Variants in CEP112 observed in about 807,000 individuals in gnomAD.
CEP112 encodes the protein centrosomal protein of 112 kDa.
CEP112 carries 127 observed loss-of-function variants against 153.0 expected under a neutral mutation model. The ratio of observed to expected loss-of-function variants is 0.83; its 90% CI spans 0.72 to 0.96. The LOEUF is 0.96. Ranked by LOEUF, CEP112 falls within the 40% of genes least tolerant of loss-of-function variation. The pLI is 0.00. For missense variants in CEP112, 1,089 were observed against 1,101.2 expected (o/e 0.99, Z 0.16); for synonymous variants, 358 against 374.4 (o/e 0.96, Z 0.51).
At chr17:65,637,517 C>T (rs1275530999) in intron 25 of CEP112, among the ~76,000 whole-genome samples, 1 of 152,192 alleles carries the variant, frequency 6.6e-6, no homozygotes, top group Non-Finnish European at 1.5e-5. Context: ...GCTCTTTGGC[C>T]CAGGCCATTT....
intron 19 of CEP112, among the ~76,000 whole-genome samples, chr17:65,924,009 C>T (rs1236422868): frequency 6.6e-6 from 1 of 152,108 alleles, no homozygotes; most frequent in Non-Finnish European, 1.5e-5. Flanking sequence ...CAGAGTCTCG[C>T]TCTGTCACCC....
chr17:66,141,765 T>C (rs2070710530), intron 4 of CEP112, among the ~76,000 whole-genome samples: 1 of 152,218 alleles, frequency 6.6e-6, no homozygotes, highest in Non-Finnish European at 1.5e-5. Context: ...TACCATATTT[T>C]GTTAATCCAT....
intron 17 of CEP112, among the ~76,000 whole-genome samples, chr17:65,991,815 T>C (rs878959710): frequency 6.6e-6 from 1 of 152,050 alleles, no homozygotes; most frequent in Middle Eastern, 3.2e-3. Context: ...ACAAACAAAA[T>C]GATCAAGTCA....
At position 66,055,639 on chromosome 17, in the gene CEP112, C is replaced by A. The variant is rs968315630; in HGVS notation, c.1075-1760G>T. On this transcript the variant is annotated intron_variant, in intron 11 of 26. Transcript: ENST00000535342. ...CCTAGAACATATGCCTGCCGAATGTCAAAAATCTAATAGCCCATCAAAACT... is the reference window on the plus strand; with the variant it reads ...CCTAGAACATATGCCTGCCGAATGTAAAAAATCTAATAGCCCATCAAAACT... 3.3e-5 allele frequency among the ~76,000 whole-genome samples: 5 copies of A among 152,102 alleles called. No homozygotes were observed. The East Asian group carries it at 9.6e-4, about 29-fold the overall frequency.
At chr17:66,189,419 G>A (rs1013104996) in intron 1 of CEP112, among the ~76,000 whole-genome samples, 12 of 151,422 alleles carry the variant, frequency 7.9e-5, no homozygotes, top group Middle Eastern at 3.4e-3. Context: ...CAGGAGAATC[G>A]CTTGAACCCG....
intron 4 of CEP112, among the ~76,000 whole-genome samples, chr17:66,149,888 G>GTTTTTTT (rs71160535): frequency 0.018 from 968 of 54,576 alleles, 2 homozygotes; most frequent in Non-Finnish European, 0.024. Flanking sequence ...TTGTTTGTTT[G>GTTTTTTT]TTTTTTTTTT....
At chr17:65,935,622 G>A (rs1356571427) in intron 18 of CEP112, among the ~76,000 whole-genome samples, 1 of 151,752 alleles carries the variant, frequency 6.6e-6, no homozygotes, top group Non-Finnish European at 1.5e-5. Flanking sequence ...AGAAACCTTG[G>A]AAAATTCACA....
At chr17:66,007,263 C>G (rs2064315882) in intron 16 of CEP112, among the ~76,000 whole-genome samples, 1 of 152,080 alleles carries the variant, frequency 6.6e-6, no homozygotes, top group Middle Eastern at 3.2e-3. Flanking sequence ...AATTAGGAAC[C>G]TGTAGCCACC....
chr17:65,963,440 C>T (rs1483802233), intron 17 of CEP112, among the ~76,000 whole-genome samples: 1 of 152,078 alleles, frequency 6.6e-6, no homozygotes, highest in East Asian at 1.9e-4. Context: ...CTCTAAGACA[C>T]AAAAATTTCT....
intron 5 of CEP112, among the ~76,000 whole-genome samples, chr17:66,130,958 A>C (rs548590341): frequency 6.6e-6 from 1 of 152,138 alleles, no homozygotes; most frequent in African/African-American, 2.4e-5. Flanking sequence ...TGACCAGAAA[A>C]CCCTAAAAAC....
chr17:65,664,801 T>G (rs2046604640), intron 24 of CEP112, among the ~76,000 whole-genome samples: 1 of 152,182 alleles, frequency 6.6e-6, no homozygotes. Flanking sequence ...CTTAGTCAGC[T>G]CAGGCTGCTA....
intron 21 of CEP112, among the ~76,000 whole-genome samples, chr17:65,774,580 C>T (rs1411747706): frequency 2.0e-5 from 3 of 152,148 alleles, no homozygotes; most frequent in Non-Finnish European, 4.4e-5. Context: ...GAGAGCAGCA[C>T]GGATGTAGCC....
intron 21 of CEP112, among the ~76,000 whole-genome samples, chr17:65,805,719 A>G (rs933551066): frequency 3.3e-5 from 5 of 152,184 alleles, no homozygotes; most frequent in Non-Finnish European, 7.4e-5. Context: ...ATTTGGCTTG[A>G]AACAATCTCT....
intron 24 of CEP112, among the ~76,000 whole-genome samples, chr17:65,647,807 C>T (rs2045525080): frequency 6.6e-6 from 1 of 152,004 alleles, no homozygotes; most frequent in Non-Finnish European, 1.5e-5. Flanking sequence ...TCTATCCCCA[C>T]CTCTGACCCA....
At chr17:66,081,663 T>C (rs1204875364) in intron 8 of CEP112, among the ~76,000 whole-genome samples, 1 of 148,582 alleles carries the variant, frequency 6.7e-6, no homozygotes, top group Non-Finnish European at 1.5e-5. Context: ...ACGCCTGTAA[T>C]CCCAGCACTC....
intron 17 of CEP112, among the ~76,000 whole-genome samples, chr17:65,976,034 A>G (rs1056918789): frequency 6.6e-6 from 1 of 152,242 alleles, no homozygotes; most frequent in African/African-American, 2.4e-5. Context: ...TAAGCTCTTC[A>G]GCGCTTTCAA....
rs1260956204 is a variant in CEP112 at position 65,807,101 on chromosome 17, A to G, written c.2394+44703T>C. ...CTGAAGTGGTCTCAGATGGAGATAAAGAACTTATTGGGAAGTGGAGTAAAA... is the reference window on the plus strand; with the variant it reads ...CTGAAGTGGTCTCAGATGGAGATAAGGAACTTATTGGGAAGTGGAGTAAAA... On this transcript the variant is annotated intron_variant, in intron 21 of 26. Coordinates refer to ENST00000535342, the MANE Select transcript of CEP112 (RefSeq NM_001199165.4). 9.8e-5 allele frequency among the ~76,000 whole-genome samples: 15 copies of G among 152,334 alleles called. No homozygotes were observed. The East Asian group carries it at 2.9e-3, about 29-fold the overall frequency.
chr17:65,924,898 G>A lies in CEP112; in HGVS notation c.1980+2684C>T, dbSNP rs181067353. On this transcript the variant is annotated intron_variant, in intron 19 of 26. Transcript: ENST00000535342. ...GCCTCTGTGTTTTGTTTCATGATAC[G>A]GGCAGCTGCTCAAATCCACACTTCA... 9.0e-4 allele frequency among the ~76,000 whole-genome samples: 136 copies of A among 151,916 alleles called. 3 individuals carry two copies. In the South Asian group the frequency reaches 9.0e-3, roughly 10 times the overall value.
intron 22 of CEP112, among the ~76,000 whole-genome samples, chr17:65,743,962 A>G (rs1417590337): frequency 6.6e-6 from 1 of 151,704 alleles, no homozygotes; most frequent in Admixed American, 6.6e-5. Flanking sequence ...GGGGTTTCAT[A>G]ATGTTGATCA....
Sources: allele counts gnomAD v4.1 joint callset (sites outside exome capture counted in the v4.1 genomes callset), GRCh38; gene constraint gnomAD v4.1.1; transcripts MANE v1.5; gene names NCBI Gene and HGNC (gene_info 2026-07-23, HGNC 2026-07-21).